The following SLC25A21 variants were observed in gnomAD, a reference collection of about 807,000 sequenced individuals.
SLC25A21 encodes mitochondrial 2-oxodicarboxylate carrier.
In SLC25A21, 47 loss-of-function variants were observed where a neutral mutation model predicts 43.8. The ratio of observed to expected loss-of-function variants is 1.07; its 90% CI spans 0.85 to 1.37. The LOEUF is 1.37. Ranked by LOEUF, SLC25A21 falls within the 40% of genes most tolerant of loss-of-function variation. The pLI, the probability that SLC25A21 is intolerant of heterozygous loss-of-function variation, is 0.00. For synonymous variants in SLC25A21, 131 were observed against 121.3 expected (o/e 1.08, Z -0.52); for missense variants, 352 against 350.2 (o/e 1.00, Z -0.04).
At chr14:37,146,811 C>G (rs1298976332) in intron 1 of SLC25A21, among the ~76,000 whole-genome samples, 3 of 152,132 alleles carry the variant, frequency 2.0e-5, no homozygotes, top group African/African-American at 7.2e-5. Flanking sequence ...AAAAGTGTGA[C>G]ATGTCTCATG....
chr14:37,141,275 T>G (rs1014683472), intron 1 of SLC25A21, among the ~76,000 whole-genome samples: 3 of 152,168 alleles, frequency 2.0e-5, no homozygotes, highest in Non-Finnish European at 4.4e-5. Context: ...GCCTTCCCAG[T>G]CCAAAAGCTG....
chr14:36,764,086 A>AAGAG (rs1246670427), intron 3 of SLC25A21, among the ~76,000 whole-genome samples: 7 of 51,784 alleles, frequency 1.4e-4, no homozygotes, highest in Non-Finnish European at 2.1e-4. Flanking sequence ...GAAAGAAGGA[A>AAGAG]GGAAGGAAGG....
intron 1 of SLC25A21, among the ~76,000 whole-genome samples, chr14:36,959,224 T>A (rs577574030): frequency 1.3e-5 from 2 of 152,264 alleles, no homozygotes; most frequent in African/African-American, 4.8e-5. Context: ...CTCTCCTTCC[T>A]TCATCCACTC....
intron 3 of SLC25A21, among the ~76,000 whole-genome samples, chr14:36,795,850 A>T (rs916089586): frequency 6.6e-6 from 1 of 152,218 alleles, no homozygotes; most frequent in East Asian, 1.9e-4. Context: ...TGTGCCTGAA[A>T]AGTAACAGGC....
intron 1 of SLC25A21, among the ~76,000 whole-genome samples, chr14:37,019,268 G>C (rs1273179127): frequency 6.6e-6 from 1 of 151,656 alleles, no homozygotes; most frequent in Non-Finnish European, 1.5e-5. Context: ...TCCTTATCTT[G>C]GAACTTTGTA....
rs35057266 is a variant in SLC25A21, at chr14:36,726,131, AG to A, written c.331-455del. Among the ~76,000 whole-genome samples the A allele has an allele frequency of 0.016, 2,390 of 152,364 alleles. 95 individuals carry two copies. The South Asian group carries it at 0.17, about 11-fold the overall frequency. ...AAATGTTTCTAAAAAGCTAAATTTC[AG>A]GTAACAACATAGCTGGAAACATTTA... On this transcript the variant is annotated intron_variant, in intron 5 of 9. Transcript: ENST00000331299.
At chr14:36,716,083 T>C (rs978002046) in intron 6 of SLC25A21, among the ~76,000 whole-genome samples, 5 of 151,990 alleles carry the variant, frequency 3.3e-5, no homozygotes, top group African/African-American at 1.2e-4. Flanking sequence ...AGAGTGAGAC[T>C]CTGTCTCAAA....
Position 36,826,495 on chromosome 14 carries a change from C to T in SLC25A21, c.120-12494G>A, listed in dbSNP as rs78287303. Among the ~76,000 whole-genome samples, 1,203 of 152,322 alleles carry T rather than the reference C, an allele frequency of 7.9e-3. 9 individuals carry two copies. Among genetic ancestry groups the T allele is most frequent in the Non-Finnish European group, 0.013 (868 of 68,034 alleles). On this transcript the variant is annotated intron_variant, in intron 2 of 9. Coordinates refer to ENST00000331299, the MANE Select transcript of SLC25A21 (RefSeq NM_030631.4). Reference sequence around the variant, plus strand: ...CCTGCTCTGGGAGCCTCCTCCCACTCTTTCTCAGCCACATTCCTCCTATGT... The same window carrying T: ...CCTGCTCTGGGAGCCTCCTCCCACTTTTTCTCAGCCACATTCCTCCTATGT...
intron 1 of SLC25A21, among the ~76,000 whole-genome samples, chr14:36,937,548 C>G (rs1309505017): frequency 6.6e-6 from 1 of 152,112 alleles, no homozygotes; most frequent in Non-Finnish European, 1.5e-5. Flanking sequence ...TTTTTCAAAA[C>G]CTACTGTGTG....
At chr14:36,805,318 G>A (rs1001332201) in intron 3 of SLC25A21, among the ~76,000 whole-genome samples, 1 of 152,316 alleles carries the variant, frequency 6.6e-6, no homozygotes, top group East Asian at 1.9e-4. Context: ...CGGAGTGTGA[G>A]TGTCAGCTAG....
intron 1 of SLC25A21, among the ~76,000 whole-genome samples, chr14:36,921,639 AG>A (rs1310128012): frequency 6.6e-6 from 1 of 152,168 alleles, no homozygotes; most frequent in Non-Finnish European, 1.5e-5. Flanking sequence ...AAACTAATCA[AG>A]GGTGGCAGAT....
chr14:37,045,625 T>C (rs1241543321), intron 1 of SLC25A21, among the ~76,000 whole-genome samples: 1 of 152,162 alleles, frequency 6.6e-6, no homozygotes, highest in Non-Finnish European at 1.5e-5. Context: ...CAAGAACTCA[T>C]GTTTGTTTGT....
intron 1 of SLC25A21, among the ~76,000 whole-genome samples, chr14:37,070,676 G>C (rs924045856): frequency 2.6e-5 from 4 of 152,172 alleles, no homozygotes; most frequent in African/African-American, 9.7e-5. Flanking sequence ...CTGCTGACCA[G>C]AATTGCACAT....
At chr14:36,798,477 T>C (rs1887748556) in intron 3 of SLC25A21, among the ~76,000 whole-genome samples, 2 of 152,086 alleles carry the variant, frequency 1.3e-5, no homozygotes, top group African/African-American at 2.4e-5. Context: ...GCTAATAGAA[T>C]CATGTGACTG....
At chr14:36,766,218 T>A (rs1405958271) in intron 3 of SLC25A21, among the ~76,000 whole-genome samples, 1 of 152,166 alleles carries the variant, frequency 6.6e-6, no homozygotes, top group Admixed American at 6.5e-5. Context: ...ATCTAAAAAA[T>A]GAAACAAATA....
At position 36,680,279 on chromosome 14, in the gene SLC25A21, T is replaced by G; in HGVS notation, c.*379A>C. The G allele has an allele frequency of 1.0e-6, 1 of 968,180 alleles. No homozygotes were observed. Among genetic ancestry groups the G allele is most frequent in the Non-Finnish European group, 1.2e-6 (1 of 820,440 alleles). The allele number at this position is 968,180 out of a possible 1,614,324, so 60.0% of individuals were successfully genotyped here. A position where few individuals can be genotyped will look rare whatever the true frequency, so the allele number is the denominator to read the frequency against. On this transcript the variant is annotated 3_prime_UTR_variant, in exon 10 of 10. Transcript: ENST00000331299. ...ATAATTTGATTTATTTTCAATAGTTTAAGCATTTCTAGACCTCTTAGGAAA... is the reference window on the plus strand; with the variant it reads ...ATAATTTGATTTATTTTCAATAGTTGAAGCATTTCTAGACCTCTTAGGAAA...
intron 1 of SLC25A21, among the ~76,000 whole-genome samples, chr14:36,912,549 A>T (rs1189003171): frequency 6.6e-6 from 1 of 152,244 alleles, no homozygotes; most frequent in Non-Finnish European, 1.5e-5. Context: ...TCTCATTGGA[A>T]AGGTATCCAA....
chr14:36,934,872 G>C (rs1316046640), intron 1 of SLC25A21, among the ~76,000 whole-genome samples: 1 of 151,876 alleles, frequency 6.6e-6, no homozygotes, highest in East Asian at 1.9e-4. Context: ...CATCTTAATT[G>C]CCTTGCTTTT....
intron 1 of SLC25A21, among the ~76,000 whole-genome samples, chr14:36,952,853 T>C (rs1456830630): frequency 6.6e-6 from 1 of 152,190 alleles, no homozygotes; most frequent in East Asian, 1.9e-4. Context: ...TCCCAAGTTG[T>C]CATGTTTCAG....
Sources: allele counts gnomAD v4.1 joint callset (sites outside exome capture counted in the v4.1 genomes callset), GRCh38; gene constraint gnomAD v4.1.1; transcripts MANE v1.5; gene names NCBI Gene and HGNC (gene_info 2026-07-23, HGNC 2026-07-21).